Variants in BCL2L13 observed in about 807,000 individuals in gnomAD.
BCL2L13 encodes the protein bcl-2-like protein 13.
A neutral mutation model predicts 25.8 loss-of-function variants in BCL2L13; 13 were observed. The observed-to-expected ratio is 0.50, with a 90% confidence interval of 0.33 to 0.80. The LOEUF (loss-of-function observed/expected upper bound fraction) is 0.80, where lower values mean the gene tolerates loss of function less well. Ranked by LOEUF, BCL2L13 falls within the 30% of genes least tolerant of loss-of-function variation. The probability of loss-of-function intolerance (pLI) is 0.02; values close to 1 mark genes in which losing one functional copy is unlikely to be tolerated. For missense variants in BCL2L13, 504 were observed against 574.9 expected (o/e 0.88, Z 1.26); for synonymous variants, 244 against 230.3 (o/e 1.06, Z -0.54).
At chr22:17,643,455 C>A (rs368822294) in intron 1 of BCL2L13, among the ~76,000 whole-genome samples, 6 of 151,802 alleles carry the variant, frequency 4.0e-5, no homozygotes, top group Middle Eastern at 3.4e-3. Flanking sequence ...GAAAGTCTTA[C>A]AATTCAATAG....
chr22:17,685,222 TTTG>T (rs773403524), intron 3 of BCL2L13, among the ~76,000 whole-genome samples: 9 of 151,542 alleles, frequency 5.9e-5, no homozygotes, highest in Non-Finnish European at 1.3e-4. Flanking sequence ...ATAATGTATT[TTTG>T]TTGTTGTTGC....
At chr22:17,672,015 A>G (rs1017244884) in intron 2 of BCL2L13, among the ~76,000 whole-genome samples, 5 of 152,226 alleles carry the variant, frequency 3.3e-5, no homozygotes, top group African/African-American at 1.2e-4. Context: ...TGCCCGGCCA[A>G]CATCTGGTTT....
intron 2 of BCL2L13, among the ~76,000 whole-genome samples, chr22:17,673,603 T>C (rs2059485825): frequency 6.6e-6 from 1 of 151,166 alleles, no homozygotes; most frequent in African/African-American, 2.4e-5. Context: ...GGTCTCGATC[T>C]CCTGACCTCG....
chr22:17,655,905 A>G (rs1489852942), intron 2 of BCL2L13, 73 bp downstream of exon 2: 1 of 1,395,424 alleles, frequency 7.2e-7, no homozygotes, highest in African/African-American at 1.5e-5. Context: ...TATGTATCTA[A>G]TTTATATGTG....
intron 3 of BCL2L13, among the ~76,000 whole-genome samples, chr22:17,685,343 A>G (rs1380237519): frequency 6.6e-6 from 1 of 151,968 alleles, no homozygotes; most frequent in Non-Finnish European, 1.5e-5. Context: ...CTCCAGCCTC[A>G]GCCTCTTGAA....
At chr22:17,719,808 A>C (rs1463157618) in intron 6 of BCL2L13, among the ~76,000 whole-genome samples, 1 of 144,794 alleles carries the variant, frequency 6.9e-6, no homozygotes, top group Admixed American at 7.3e-5. Context: ...CAGCCTGGCG[A>C]AAGAGTGAGA....
intron 3 of BCL2L13, among the ~76,000 whole-genome samples, chr22:17,688,745 A>G (rs1289007446): frequency 2.7e-5 from 4 of 149,274 alleles, no homozygotes; most frequent in African/African-American, 7.4e-5. Flanking sequence ...GTGGCCTTTT[A>G]TAGCGCAACT....
chr22:17,651,149 G>A (rs1188025752), intron 1 of BCL2L13, among the ~76,000 whole-genome samples: 6 of 151,548 alleles, frequency 4.0e-5, no homozygotes, highest in Non-Finnish European at 7.4e-5. Context: ...ACAGGCATGC[G>A]CTACCATGCC....
intron 2 of BCL2L13, among the ~76,000 whole-genome samples, chr22:17,678,052 T>C (rs2059625782): frequency 6.6e-6 from 1 of 151,732 alleles, no homozygotes; most frequent in African/African-American, 2.4e-5. Context: ...TCTAGAAACA[T>C]AAAATATATA....
At chr22:17,687,012 A>G (rs2059961575) in intron 3 of BCL2L13, among the ~76,000 whole-genome samples, 1 of 152,118 alleles carries the variant, frequency 6.6e-6, no homozygotes, top group African/African-American at 2.4e-5. Flanking sequence ...GCTTGCTCAA[A>G]CAACAAAGTA....
At chr22:17,642,018 C>G (rs1490212824) in intron 1 of BCL2L13, among the ~76,000 whole-genome samples, 1 of 151,800 alleles carries the variant, frequency 6.6e-6, no homozygotes, top group Non-Finnish European at 1.5e-5. Flanking sequence ...CCAGGATGGT[C>G]TCCATCTCCT....
intron 3 of BCL2L13, among the ~76,000 whole-genome samples, chr22:17,687,738 C>T (rs1477694443): frequency 6.6e-6 from 1 of 151,538 alleles, no homozygotes; most frequent in Non-Finnish European, 1.5e-5. Flanking sequence ...AGGATGGTCT[C>T]GATCTCCTGA....
At chr22:17,640,028 A>G (rs1283985887) in intron 1 of BCL2L13, among the ~76,000 whole-genome samples, 2 of 151,840 alleles carry the variant, frequency 1.3e-5, no homozygotes, top group African/African-American at 2.4e-5. Flanking sequence ...CTAATTTTGT[A>G]TTTTTAGTAG....
At chr22:17,709,708 C>T (rs1452282563) in intron 6 of BCL2L13, among the ~76,000 whole-genome samples, 1 of 152,078 alleles carries the variant, frequency 6.6e-6, no homozygotes, top group Non-Finnish European at 1.5e-5. Context: ...TCTCTTGAAC[C>T]CAGGTTGCAG....
intron 5 of BCL2L13, among the ~76,000 whole-genome samples, chr22:17,700,551 G>A (rs1029034608): frequency 9.9e-5 from 15 of 152,104 alleles, no homozygotes; most frequent in Non-Finnish European, 5.9e-5. Flanking sequence ...AGAACATCCC[G>A]GGCCTTTAAG....
chr22:17,674,175 TAGTC>T (rs1220817614), intron 2 of BCL2L13, among the ~76,000 whole-genome samples: 1 of 152,232 alleles, frequency 6.6e-6, no homozygotes, highest in African/African-American at 2.4e-5. Flanking sequence ...GTAAACATAA[TAGTC>T]AGTGAAGACA....
Position 17,730,783 on chromosome 22 carries a change from G to A in BCL2L13, c.*3249G>A, listed in dbSNP as rs892870767. Reference sequence around the variant, plus strand: ...CAAATTCCCACACAAGCATTATCTCGTTTAACATCTCAGCGACATACTGGA... The same window carrying A: ...CAAATTCCCACACAAGCATTATCTCATTTAACATCTCAGCGACATACTGGA... On this transcript the variant is annotated 3_prime_UTR_variant, in exon 7 of 7. Coordinates refer to ENST00000317582, the MANE Select transcript of BCL2L13 (RefSeq NM_015367.4). 2.6e-5 allele frequency: 4 copies of A among 151,820 alleles called. No individual in the cohort carries two copies. Among genetic ancestry groups the A allele is most frequent in the Admixed American group, 6.6e-5 (1 of 15,244 alleles). 9.4% of individuals were successfully genotyped at this position (151,820 alleles called of 1,614,324 possible).
intron 5 of BCL2L13, among the ~76,000 whole-genome samples, 184 bp from the exon 6 acceptor site, chr22:17,702,059 G>C (rs987061092): frequency 6.6e-6 from 1 of 151,792 alleles, no homozygotes; most frequent in Non-Finnish European, 1.5e-5. Context: ...CCTGCCTATT[G>C]TATAAAACCT....
intron 3 of BCL2L13, among the ~76,000 whole-genome samples, chr22:17,683,786 T>TA (rs770540867): frequency 2.6e-5 from 4 of 151,682 alleles, no homozygotes; most frequent in Admixed American, 6.6e-5. Flanking sequence ...TAAAAATAGT[T>TA]ACTCTACTAA....
Sources: allele counts gnomAD v4.1 joint callset (sites outside exome capture counted in the v4.1 genomes callset), GRCh38; gene constraint gnomAD v4.1.1; transcripts MANE v1.5; gene names NCBI Gene and HGNC (gene_info 2026-07-23, HGNC 2026-07-21).